ZC3H12B: variants seen among roughly 807,000 people sequenced by gnomAD.
ZC3H12B encodes the protein probable ribonuclease ZC3H12B.
Under a neutral mutation model 43.9 loss-of-function variants are expected in ZC3H12B, and 7 were observed. The observed-to-expected ratio is 0.16, with a 90% CI of 0.09 to 0.30. ZC3H12B has a LOEUF of 0.30. Among genes scored for constraint, ZC3H12B ranks in the 10% least tolerant of loss-of-function variants. The pLI, the probability that ZC3H12B is intolerant of heterozygous loss-of-function variation, is 1.00. For synonymous variants in ZC3H12B, 222 were observed against 241.7 expected, an observed-to-expected ratio of 0.92 and a Z score of 0.76; for missense variants, 475 against 670.2, an observed-to-expected ratio of 0.71 and a Z score of 3.22.
chrX:65,131,422 G>A, the ZC3H12B span, among the ~76,000 whole-genome samples: 1 of 111,415 alleles, frequency 9.0e-6, no homozygotes, highest in Non-Finnish European at 1.9e-5. Flanking sequence ...AAGGCTACAG[G>A]GTGCGGTCCC....
chrX:65,212,957 T>C, the ZC3H12B span, among the ~76,000 whole-genome samples: 1 of 107,446 alleles, frequency 9.3e-6, no homozygotes, highest in African/African-American at 3.4e-5. Context: ...GCACTTACCA[T>C]CATTGGTCTG....
At chrX:65,326,301 A>T in the ZC3H12B span, among the ~76,000 whole-genome samples, 1 of 111,770 alleles carries the variant, frequency 8.9e-6, no homozygotes, top group Non-Finnish European at 1.9e-5. Flanking sequence ...TCTATAAAGA[A>T]CCCAATGAAC....
chrX:65,411,755 A>G lies in ZC3H12B; in HGVS notation n.407+13051A>G, dbSNP rs764194828. On this transcript the variant is annotated intron_variant and non_coding_transcript_variant, in intron 3 of 5. Transcript: ENST00000617377. ...TAAATAAATAAATAAATAAATAAAT[A>G]AATAATAGTGTAATTGGATTGTTAG... Among the ~76,000 whole-genome samples the G allele has an allele frequency of 2.3e-4, 24 of 104,314 alleles. No individual in the cohort carries two copies. The East Asian group carries it at 6.2e-3, about 27-fold the overall frequency. 90.6% of individuals were successfully genotyped at this position (104,314 alleles called of 115,157 possible). A position where few individuals can be genotyped will look rare whatever the true frequency, so the allele number is the denominator to read the frequency against.
chrX:65,473,804 C>T (rs922374583), intron 3 of ZC3H12B, among the ~76,000 whole-genome samples: 7 of 111,427 alleles, frequency 6.3e-5, no homozygotes, highest in African/African-American at 2.0e-4. Context: ...TTATTGCTTT[C>T]TAGTTTTTTT....
At chrX:65,203,827 G>T in the ZC3H12B span, among the ~76,000 whole-genome samples, 1 of 111,347 alleles carries the variant, frequency 9.0e-6, no homozygotes, top group African/African-American at 3.3e-5. Flanking sequence ...CAGTCCTTAT[G>T]GTCTAGGCTG....
At chrX:65,334,176 A>AT in the ZC3H12B span, among the ~76,000 whole-genome samples, 1 of 112,050 alleles carries the variant, frequency 8.9e-6, no homozygotes, top group Non-Finnish European at 1.9e-5. Context: ...ACCCTTTACA[A>AT]TTTTTTATTA....
chrX:65,344,752 G>A, the ZC3H12B span, among the ~76,000 whole-genome samples: 6 of 112,306 alleles, frequency 5.3e-5, no homozygotes, highest in Non-Finnish European at 1.1e-4. Context: ...CAAAGCAAAA[G>A]AAACTGTCAA....
At chrX:65,233,610 C>T in the ZC3H12B span, among the ~76,000 whole-genome samples, 4 of 108,560 alleles carry the variant, frequency 3.7e-5, no homozygotes, top group African/African-American at 1.0e-4. Flanking sequence ...AGTACTAAGA[C>T]GGACATTTAT....
At chrX:65,159,583 G>C in the ZC3H12B span, among the ~76,000 whole-genome samples, 1 of 111,839 alleles carries the variant, frequency 8.9e-6, no homozygotes, top group South Asian at 3.7e-4. Context: ...TGGTGTGTAA[G>C]AATGCTTGTG....
At chrX:65,080,314 C>T in the ZC3H12B span, among the ~76,000 whole-genome samples, 36 of 108,984 alleles carry the variant, frequency 3.3e-4, 1 homozygote, top group Admixed American at 3.2e-3. Context: ...AAAGTTTATT[C>T]AAAAAGATAA....
At chrX:65,237,200 G>C in the ZC3H12B span, among the ~76,000 whole-genome samples, 3 of 111,833 alleles carry the variant, frequency 2.7e-5, no homozygotes, top group Middle Eastern at 4.6e-3. Flanking sequence ...TCTTCCATTT[G>C]TTTGTGTCCT....
the ZC3H12B span, among the ~76,000 whole-genome samples, chrX:65,231,658 A>T: frequency 9.0e-6 from 1 of 110,887 alleles, no homozygotes; most frequent in African/African-American, 3.3e-5. Flanking sequence ...ACATCCATCT[A>T]TAGGTTTTCT....
the ZC3H12B span, among the ~76,000 whole-genome samples, chrX:65,348,688 C>CAAA: frequency 4.0e-5 from 2 of 50,453 alleles, no homozygotes; most frequent in African/African-American, 5.4e-5. Context: ...AAATGGCAAG[C>CAAA]AAAAAAAAAA....
chrX:65,336,309 C>T, the ZC3H12B span, among the ~76,000 whole-genome samples: 1 of 112,117 alleles, frequency 8.9e-6, no homozygotes, highest in Admixed American at 9.4e-5. Context: ...CCCTGAGCGA[C>T]CCTGGCAACC....
chrX:65,406,601 G>GCTGGGCGGGGCTGGGCGGGA (rs2066827490), intron 3 of ZC3H12B, among the ~76,000 whole-genome samples: 1 of 94,745 alleles, frequency 1.1e-5, no homozygotes, highest in Non-Finnish European at 2.1e-5. Context: ...GCTGGGCGGG[G>GCTGGGCGGGGCTGGGCGGGA]CTGGGCGGGG....
chrX:65,418,608 T>TCA (rs780823461), intron 3 of ZC3H12B, among the ~76,000 whole-genome samples: 14 of 111,918 alleles, frequency 1.3e-4, no homozygotes, highest in Non-Finnish European at 2.3e-4. Flanking sequence ...ATAGCCTGAC[T>TCA]CATACAGACC....
At chrX:65,372,515 AGG>A (rs2066260770) in intron 2 of ZC3H12B, among the ~76,000 whole-genome samples, 1 of 100,206 alleles carries the variant, frequency 1.0e-5, no homozygotes, top group African/African-American at 3.7e-5. Flanking sequence ...GAAGGAAGGA[AGG>A]AAGGAAGGAA....
the ZC3H12B span, among the ~76,000 whole-genome samples, chrX:65,121,866 C>G: frequency 3.6e-5 from 4 of 111,334 alleles, no homozygotes; most frequent in African/African-American, 1.3e-4. Flanking sequence ...TCGTTGGTTT[C>G]GAAGAACATC....
the ZC3H12B span, among the ~76,000 whole-genome samples, chrX:65,242,864 G>C: frequency 8.9e-6 from 1 of 112,224 alleles, no homozygotes; most frequent in Non-Finnish European, 1.9e-5. Context: ...AAGGTTTCAA[G>C]AACATATTTG....
Sources: gnomAD v4.1 joint callset for allele counts (sites outside exome capture counted in the v4.1 genomes callset) on GRCh38, gnomAD v4.1.1 for gene constraint, MANE v1.5 for transcripts, NCBI Gene and HGNC (gene_info 2026-07-23, HGNC 2026-07-21) for gene names.